Variants in HTT observed in about 807,000 individuals in gnomAD.
The protein encoded by HTT is huntington disease protein.
HTT carries 104 observed loss-of-function variants against 362.3 expected under a neutral mutation model. The observed-to-expected ratio is 0.29, with a 90% CI of 0.24 to 0.34. The LOEUF (loss-of-function observed/expected upper bound fraction) is 0.34. Among genes scored for constraint, HTT ranks in the 10% least tolerant of loss-of-function variants. The probability of loss-of-function intolerance (pLI) is 1.00; values close to 1 mark genes in which losing one functional copy is unlikely to be tolerated. For missense variants in HTT, 3,301 were observed against 3,928.6 expected, an observed-to-expected ratio of 0.84 and a Z score of 4.27; for synonymous variants, 1,577 against 1,548.7, an observed-to-expected ratio of 1.02 and a Z score of -0.43.
At chr4:3,156,021 T>G (rs1486572063) in intron 27 of HTT, among the ~76,000 whole-genome samples, 1 of 152,254 alleles carries the variant, frequency 6.6e-6, no homozygotes, top group African/African-American at 2.4e-5. Context: ...GTGATTTTCT[T>G]GCATATGGTA....
chr4:3,182,494 G>C, intron 37 of HTT, 24 bp downstream of exon 37: 1 of 1,468,816 alleles, frequency 6.8e-7, no homozygotes, highest in Non-Finnish European at 9.5e-7. Context: ...GCCTTGGCTT[G>C]TTGTTGCATA....
chr4:3,219,094 C>T (rs770621120), intron 52 of HTT, among the ~76,000 whole-genome samples: 2 of 152,164 alleles, frequency 1.3e-5, no homozygotes, highest in Admixed American at 6.5e-5. Context: ...CAGTGCCTGG[C>T]GGTGCTGGAA....
At chr4:3,233,683 A>G (rs1221706545) in intron 61 of HTT, among the ~76,000 whole-genome samples, 2 of 152,096 alleles carry the variant, frequency 1.3e-5, no homozygotes, top group East Asian at 1.9e-4. Flanking sequence ...GTTATTACCC[A>G]GGCTAGCCTC....
At chr4:3,208,344 T>C (rs1324776463) in intron 45 of HTT, among the ~76,000 whole-genome samples, 1 of 152,264 alleles carries the variant, frequency 6.6e-6, no homozygotes, top group African/African-American at 2.4e-5. Context: ...GAGGTGATTT[T>C]ATTTTGAAAT....
chr4:3,081,745 C>T (rs1182704109), intron 1 of HTT, among the ~76,000 whole-genome samples: 2 of 151,194 alleles, frequency 1.3e-5, no homozygotes, highest in African/African-American at 2.4e-5. Flanking sequence ...TTAGTAGAGA[C>T]GGGGTTTCTC....
intron 29 of HTT, among the ~76,000 whole-genome samples, chr4:3,169,648 A>ACTGCAACCTCCACCTCC (rs1717880264): frequency 6.6e-6 from 1 of 151,384 alleles, no homozygotes; most frequent in Admixed American, 6.6e-5. Context: ...ATATCAGCTC[A>ACTGCAACCTCCACCTCC]CTGCAACCTC....
chr4:3,222,877 G>A (rs1720744207), intron 54 of HTT, among the ~76,000 whole-genome samples: 1 of 152,170 alleles, frequency 6.6e-6, no homozygotes, highest in Non-Finnish European at 1.5e-5. Flanking sequence ...GATTTTATCA[G>A]GCTTCTTGAA....
intron 47 of HTT, among the ~76,000 whole-genome samples, chr4:3,210,804 T>C (rs1261438091): frequency 1.3e-5 from 2 of 151,952 alleles, no homozygotes; most frequent in Non-Finnish European, 2.9e-5. Context: ...AAAGAGACCT[T>C]GTGGGGAGGG....
chr4:3,080,914 T>G (rs894055449), intron 1 of HTT, among the ~76,000 whole-genome samples: 2 of 152,262 alleles, frequency 1.3e-5, no homozygotes, highest in African/African-American at 4.8e-5. Context: ...TGTATAAATT[T>G]ATTTCTAGAC....
intron 27 of HTT, among the ~76,000 whole-genome samples, chr4:3,155,397 A>AT (rs145408509): frequency 0.035 from 5,260 of 149,850 alleles, 284 homozygotes; most frequent in African/African-American, 0.12. Flanking sequence ...AATTTTTTGT[A>AT]TTTTTTATTA....
At chr4:3,081,826 G>A (rs1712926950) in intron 1 of HTT, among the ~76,000 whole-genome samples, 1 of 151,450 alleles carries the variant, frequency 6.6e-6, no homozygotes, top group Non-Finnish European at 1.5e-5. Flanking sequence ...CAAAGTGCTG[G>A]GATTACAGGG....
At chr4:3,199,369 CT>C (rs1475614657) in intron 40 of HTT, among the ~76,000 whole-genome samples, 1 of 152,004 alleles carries the variant, frequency 6.6e-6, no homozygotes, top group Non-Finnish European at 1.5e-5. Context: ...GTGAAACCCC[CT>C]CTATACTAAA....
intron 2 of HTT, among the ~76,000 whole-genome samples, chr4:3,089,312 G>A (rs1019918281): frequency 6.6e-5 from 10 of 152,050 alleles, no homozygotes; most frequent in Middle Eastern, 3.4e-3. Flanking sequence ...AGAGTGCAGT[G>A]GTGCAATCTC....
intron 27 of HTT, among the ~76,000 whole-genome samples, chr4:3,156,085 C>T (rs1230288077): frequency 6.6e-6 from 1 of 152,088 alleles, no homozygotes; most frequent in Non-Finnish European, 1.5e-5. Flanking sequence ...TGAACTCATT[C>T]CTCCTGTCTA....
intron 33 of HTT, 26 bp from the exon 34 acceptor site, chr4:3,177,306 G>C: frequency 6.6e-7 from 1 of 1,517,712 alleles, no homozygotes; most frequent in Non-Finnish European, 9.1e-7. Context: ...TATTATTGAT[G>C]TGAAATTTTA....
intron 6 of HTT, among the ~76,000 whole-genome samples, chr4:3,111,890 A>G (rs1560552156): frequency 6.6e-6 from 1 of 152,052 alleles, no homozygotes; most frequent in Admixed American, 6.5e-5. Context: ...GGCGCCTCCA[A>G]AGCCCGAGCT....
chr4:3,204,186 T>C, intron 42 of HTT, 38 bp downstream of exon 42: 1 of 1,611,304 alleles, frequency 6.2e-7, no homozygotes, highest in Non-Finnish European at 8.5e-7. Context: ...TTGAGGGAGG[T>C]GGGGACCAGG....
Position 3,225,876 on chromosome 4 carries a change from T to G in HTT, c.7848+133T>G, listed in dbSNP as rs1720887944. On this transcript the variant is annotated intron_variant, in intron 57 of 66. Transcript: ENST00000355072. The stretch of plus-strand genomic sequence containing the variant: ...GTTTTCCTTTTTTTTAAAAAAAAAT[T>G]TAATGTTCATTGTTTTTATCTGTTT... 3.4e-5 allele frequency: 22 copies of G among 640,014 alleles called. No homozygotes were observed. In the Admixed American group the frequency reaches 6.5e-4, roughly 19 times the overall value. 39.6% of individuals were successfully genotyped at this position (640,014 alleles called of 1,614,324 possible).
chr4:3,208,111 G>A (rs776441144), intron 45 of HTT, among the ~76,000 whole-genome samples: 1 of 152,210 alleles, frequency 6.6e-6, no homozygotes, highest in Non-Finnish European at 1.5e-5. Context: ...AGTCTTTAGA[G>A]TACCTTGTTG....
Sources: gnomAD v4.1 joint callset for allele counts (sites outside exome capture counted in the v4.1 genomes callset) on GRCh38, gnomAD v4.1.1 for gene constraint, MANE v1.5 for transcripts, NCBI Gene and HGNC (gene_info 2026-07-23, HGNC 2026-07-21) for gene names.